The following AUTS2 variants were observed in gnomAD, a reference collection of about 807,000 sequenced individuals.
AUTS2 encodes the protein activator of transcription and developmental regulator AUTS2.
AUTS2 carries 17 observed loss-of-function variants against 112.4 expected under a neutral mutation model. That is an observed-to-expected ratio of 0.15 (90% CI 0.10 to 0.23). The LOEUF (loss-of-function observed/expected upper bound fraction) is 0.23. AUTS2 is among the 10% of genes least tolerant of loss of function. The pLI is 1.00. For synonymous variants in AUTS2, 751 were observed against 702.7 expected (o/e 1.07, Z -1.09); for missense variants, 1,510 against 1,701.6 (o/e 0.89, Z 1.98).
At chr7:69,896,515 G>A (rs1019370402) in intron 1 of AUTS2, among the ~76,000 whole-genome samples, 4 of 151,302 alleles carry the variant, frequency 2.6e-5, no homozygotes, top group African/African-American at 4.9e-5. Context: ...GTGATCCTTC[G>A]TGTATACCAG....
chr7:69,698,274 A>T (rs1797643699), intron 1 of AUTS2, among the ~76,000 whole-genome samples: 1 of 152,150 alleles, frequency 6.6e-6, no homozygotes, highest in Non-Finnish European at 1.5e-5. Flanking sequence ...GGTAGACAGG[A>T]ACGAAGGATG....
chr7:69,911,893 C>T (rs1795374436), intron 2 of AUTS2, among the ~76,000 whole-genome samples: 2 of 152,120 alleles, frequency 1.3e-5, no homozygotes, highest in South Asian at 2.1e-4. Flanking sequence ...TCAGGTTGTC[C>T]CTGGCTTGAA....
chr7:69,979,567 G>A (rs1163540436), intron 2 of AUTS2, among the ~76,000 whole-genome samples: 2 of 152,158 alleles, frequency 1.3e-5, no homozygotes, highest in Non-Finnish European at 2.9e-5. Context: ...CATTACCAGT[G>A]TATTTTGGAA....
chr7:70,578,688 G>A, intron 5 of AUTS2, among the ~76,000 whole-genome samples: 1 of 152,054 alleles, frequency 6.6e-6, no homozygotes. Context: ...GAGGAACGAG[G>A]CCTATTCTAT....
chr7:70,406,369 G>A (rs1342026205), intron 4 of AUTS2, among the ~76,000 whole-genome samples: 1 of 152,112 alleles, frequency 6.6e-6, no homozygotes, highest in East Asian at 1.9e-4. Flanking sequence ...GATTGTACCT[G>A]CTGCTGGAAA....
chr7:70,449,546 G>A (rs1325812029), intron 5 of AUTS2, among the ~76,000 whole-genome samples: 1 of 152,126 alleles, frequency 6.6e-6, no homozygotes, highest in African/African-American at 2.4e-5. Context: ...TGCAGCAGTG[G>A]GTTCTAGGAA....
intron 5 of AUTS2, among the ~76,000 whole-genome samples, chr7:70,470,914 G>A (rs773406532): frequency 4.6e-5 from 7 of 152,132 alleles, no homozygotes; most frequent in African/African-American, 1.7e-4. Context: ...TTCAGCCTGC[G>A]AACTTCCTGG....
intron 5 of AUTS2, among the ~76,000 whole-genome samples, chr7:70,524,389 A>G (rs1799758673): frequency 6.6e-6 from 1 of 152,180 alleles, no homozygotes; most frequent in African/African-American, 2.4e-5. Flanking sequence ...AAAATAATAA[A>G]ATGAAGGTGG....
chr7:70,412,706 A>G (rs1433850656), intron 4 of AUTS2, among the ~76,000 whole-genome samples: 1 of 152,204 alleles, frequency 6.6e-6, no homozygotes, highest in Non-Finnish European at 1.5e-5. Context: ...AAAATAATAT[A>G]ATTTGGCTGG....
intron 4 of AUTS2, among the ~76,000 whole-genome samples, chr7:70,408,723 A>G (rs1794647949): frequency 6.6e-6 from 1 of 152,198 alleles, no homozygotes; most frequent in Non-Finnish European, 1.5e-5. Context: ...TTACACCTAG[A>G]GATCATGGAG....
Position 69,627,052 on chromosome 7 carries a change from G to A in AUTS2, c.309+27090G>A, listed in dbSNP as rs533589215. Among the ~76,000 whole-genome samples, 10 of 152,318 alleles carry A rather than the reference G, an allele frequency of 6.6e-5. No individual in the cohort carries two copies. The South Asian group carries it at 2.1e-3, about 32-fold the overall frequency. ...AAACAGTCTTCTTGAATGATAAGAT[G>A]CCTAATGGTAACATTTGTTTCATTC... On this transcript the variant is annotated intron_variant, in intron 1 of 18. Coordinates refer to ENST00000342771, the MANE Select transcript of AUTS2 (RefSeq NM_015570.4).
At chr7:70,156,890 G>GCAA (rs1357928695) in intron 4 of AUTS2, among the ~76,000 whole-genome samples, 18 of 6,010 alleles carry the variant, frequency 3.0e-3, no homozygotes, top group Non-Finnish European at 4.3e-3. Context: ...TCTACTAAAA[G>GCAA]TAAAAAAAAA....
intron 5 of AUTS2, among the ~76,000 whole-genome samples, chr7:70,622,287 C>G (rs920721708): frequency 6.6e-6 from 1 of 152,188 alleles, no homozygotes; most frequent in Non-Finnish European, 1.5e-5. Flanking sequence ...CTTATATTCT[C>G]TCCTGCCTGA....
chr7:69,991,146 C>T (rs769693340), intron 2 of AUTS2, among the ~76,000 whole-genome samples: 10 of 152,172 alleles, frequency 6.6e-5, no homozygotes, highest in Non-Finnish European at 4.4e-5. Flanking sequence ...TCCTTCCAGG[C>T]AGATCTGCCT....
intron 4 of AUTS2, among the ~76,000 whole-genome samples, chr7:70,171,521 G>C (rs941466054): frequency 6.6e-6 from 1 of 152,144 alleles, no homozygotes; most frequent in Non-Finnish European, 1.5e-5. Context: ...ACATTTCATA[G>C]CTCAGTGCAA....
intron 1 of AUTS2, among the ~76,000 whole-genome samples, chr7:69,851,095 A>G (rs1427354277): frequency 6.6e-6 from 1 of 152,216 alleles, no homozygotes; most frequent in Non-Finnish European, 1.5e-5. Flanking sequence ...AACACTGTTT[A>G]AAAGGCATTT....
chr7:70,338,677 G>A (rs1482644333), intron 4 of AUTS2, among the ~76,000 whole-genome samples: 1 of 151,918 alleles, frequency 6.6e-6, no homozygotes, highest in Non-Finnish European at 1.5e-5. Flanking sequence ...GTATCTTTTG[G>A]CAAGTCTGGT....
chr7:70,689,791 A>G (rs1207532163), intron 5 of AUTS2, among the ~76,000 whole-genome samples: 1 of 151,730 alleles, frequency 6.6e-6, no homozygotes, highest in African/African-American at 2.4e-5. Context: ...AAAAAAAAAA[A>G]AAAAAAAGAT....
At chr7:69,658,424 TG>T (rs1432682623) in intron 1 of AUTS2, among the ~76,000 whole-genome samples, 1 of 152,380 alleles carries the variant, frequency 6.6e-6, no homozygotes, top group East Asian at 1.9e-4. Flanking sequence ...GTTATTCATT[TG>T]TAACCTTAGG....
Sources: gnomAD v4.1 joint callset for allele counts (sites outside exome capture counted in the v4.1 genomes callset) on GRCh38, gnomAD v4.1.1 for gene constraint, MANE v1.5 for transcripts, NCBI Gene and HGNC (gene_info 2026-07-23, HGNC 2026-07-21) for gene names.